Variants in PRP4K observed in about 807,000 individuals in gnomAD.
PRP4K encodes pre-mRNA processing factor kinase PRP4K.
At chr6:4,033,483 C>T in the PRP4K span, among the ~76,000 whole-genome samples, 2 of 152,166 alleles carry the variant, frequency 1.3e-5, no homozygotes, top group South Asian at 4.1e-4. Flanking sequence ...ATATAATTTA[C>T]GTAGGATCAT....
chr6:4,035,594 T>C, the PRP4K span, among the ~76,000 whole-genome samples: 1 of 152,158 alleles, frequency 6.6e-6, no homozygotes, highest in Non-Finnish European at 1.5e-5. Context: ...CTTGCTCATT[T>C]TGGCTGGATC....
At chr6:4,033,760 A>G in the PRP4K span, among the ~76,000 whole-genome samples, 3 of 152,142 alleles carry the variant, frequency 2.0e-5, no homozygotes, top group African/African-American at 7.2e-5. Flanking sequence ...AGAAATTTCA[A>G]ATTTTATTTC....
the PRP4K span, among the ~76,000 whole-genome samples, chr6:4,033,503 G>A: frequency 6.6e-6 from 1 of 152,240 alleles, no homozygotes; most frequent in Non-Finnish European, 1.5e-5. Context: ...TAGAACGGAA[G>A]TATTTGCGGG....
the PRP4K span, chr6:4,032,571 A>C: frequency 6.2e-7 from 1 of 1,613,366 alleles, no homozygotes; most frequent in Non-Finnish European, 8.5e-7. Flanking sequence ...TAGTCCTAAA[A>C]GAAGAAGTTT....
At chr6:4,054,642 G>A in the PRP4K span, among the ~76,000 whole-genome samples, 1 of 152,148 alleles carries the variant, frequency 6.6e-6, no homozygotes, top group Non-Finnish European at 1.5e-5. Flanking sequence ...GAGTAACTGG[G>A]ATTACAGGCA....
the PRP4K span, among the ~76,000 whole-genome samples, chr6:4,041,798 G>A: frequency 6.6e-6 from 1 of 152,180 alleles, no homozygotes; most frequent in African/African-American, 2.4e-5. Flanking sequence ...TGCTAAGGAT[G>A]AAAAACCCTG....
chr6:4,026,095 G>A, the PRP4K span, among the ~76,000 whole-genome samples: 1 of 152,008 alleles, frequency 6.6e-6, no homozygotes, highest in Non-Finnish European at 1.5e-5. Flanking sequence ...TCCGCCTCCT[G>A]GGTTCAAGCA....
At chr6:4,034,476 A>G in the PRP4K span, among the ~76,000 whole-genome samples, 113 of 152,252 alleles carry the variant, frequency 7.4e-4, no homozygotes, top group African/African-American at 2.7e-3. Context: ...TTATTGCTAA[A>G]TTTCCATCCA....
At chr6:4,044,194 T>TAAATGTG in the PRP4K span, 1 of 633,256 alleles carries the variant, frequency 1.6e-6, no homozygotes, top group Non-Finnish European at 2.7e-6. Flanking sequence ...ATGTTCTCTA[T>TAAATGTG]AAATGTGTTT....
the PRP4K span, among the ~76,000 whole-genome samples, chr6:4,047,584 A>G: frequency 2.2e-4 from 33 of 152,310 alleles, no homozygotes; most frequent in African/African-American, 7.9e-4. Flanking sequence ...CTAGGTCTTT[A>G]TTAGAATAGA....
chr6:4,053,903 T>TTTGTTTTGTTTTG, the PRP4K span, among the ~76,000 whole-genome samples: 10 of 149,390 alleles, frequency 6.7e-5, no homozygotes, highest in African/African-American at 2.0e-4. Context: ...TCTTTTGTTT[T>TTTGTTTTGTTTTG]TTTTGTTTTG....
the PRP4K span, among the ~76,000 whole-genome samples, chr6:4,056,065 G>A: frequency 6.6e-6 from 1 of 151,058 alleles, no homozygotes; most frequent in Non-Finnish European, 1.5e-5. Context: ...AAATGCAGTT[G>A]TTAAAATTAA....
chr6:4,063,893 C>A, the PRP4K span: 1 of 151,998 alleles, frequency 6.6e-6, no homozygotes, highest in African/African-American at 2.4e-5. Context: ...TACTTTATGG[C>A]AAAAGTGATA....
At chr6:4,055,491 G>A in the PRP4K span, among the ~76,000 whole-genome samples, 1 of 152,196 alleles carries the variant, frequency 6.6e-6, no homozygotes, top group Non-Finnish European at 1.5e-5. Flanking sequence ...TGCTGCTTTG[G>A]GGTGGGAGCA....
At chr6:4,059,375 C>G in the PRP4K span, among the ~76,000 whole-genome samples, 2 of 152,144 alleles carry the variant, frequency 1.3e-5, no homozygotes, top group East Asian at 3.9e-4. Context: ...CCCCCAACCC[C>G]CTAAAAAATG....
At chr6:4,047,615 A>G in the PRP4K span, among the ~76,000 whole-genome samples, 3 of 152,150 alleles carry the variant, frequency 2.0e-5, no homozygotes, top group Non-Finnish European at 4.4e-5. Context: ...GGGCCTCTAT[A>G]TTATATTAGT....
At chr6:4,036,880 G>A in the PRP4K span, among the ~76,000 whole-genome samples, 1 of 151,682 alleles carries the variant, frequency 6.6e-6, no homozygotes, top group East Asian at 1.9e-4. Context: ...AGCTGCTCAG[G>A]GGGGCTGAAG....
At chr6:4,022,154 A>ATTTTTTTT in the PRP4K span, among the ~76,000 whole-genome samples, 129 of 91,964 alleles carry the variant, frequency 1.4e-3, no homozygotes, top group Non-Finnish European at 1.7e-3. Flanking sequence ...GAGGCCTGGC[A>ATTTTTTTT]TTTTTTTTTT....
chr6:4,025,244 C>G, the PRP4K span, among the ~76,000 whole-genome samples: 2 of 152,160 alleles, frequency 1.3e-5, no homozygotes, highest in Non-Finnish European at 2.9e-5. Flanking sequence ...TATTTATTGT[C>G]AGTATAAACT....
Sources: gnomAD v4.1 joint callset for allele counts (sites outside exome capture counted in the v4.1 genomes callset) on GRCh38, gnomAD v4.1.1 for gene constraint, MANE v1.5 for transcripts, NCBI Gene and HGNC (gene_info 2026-07-23, HGNC 2026-07-21) for gene names.